COL14A1: variants seen among roughly 807,000 people sequenced by gnomAD.
COL14A1 encodes collagen type XIV alpha 1 chain.
A neutral mutation model predicts 230.3 loss-of-function variants in COL14A1; 136 were observed. That is an observed-to-expected ratio of 0.59 (90% confidence interval 0.51 to 0.68). The LOEUF is 0.68. COL14A1 is among the 30% of genes least tolerant of loss of function. COL14A1 has a pLI of 0.00. For synonymous variants in COL14A1, 792 were observed against 784.1 expected (o/e 1.01, Z -0.17); for missense variants, 1,976 against 2,215.8 (o/e 0.89, Z 2.17).
At chr8:120,216,215 G>T in intron 13 of COL14A1, 136 bp from the exon 14 acceptor site, 1 of 678,716 alleles carries the variant, frequency 1.5e-6, no homozygotes, top group Non-Finnish European at 2.4e-6. Context: ...ACAATACACT[G>T]GTTATTTCAG....
At chr8:120,254,544 T>A (rs1211966197) in intron 22 of COL14A1, among the ~76,000 whole-genome samples, 1 of 152,166 alleles carries the variant, frequency 6.6e-6, no homozygotes, top group East Asian at 1.9e-4. Flanking sequence ...TGTATTTACT[T>A]TTTTATTATA....
intron 36 of COL14A1, among the ~76,000 whole-genome samples, chr8:120,303,310 T>G (rs1290278239): frequency 6.6e-6 from 1 of 152,186 alleles, no homozygotes; most frequent in Non-Finnish European, 1.5e-5. Flanking sequence ...ATCCTTGTCT[T>G]GTGCTGGTTT....
chr8:120,254,717 G>A (rs1046758637), intron 22 of COL14A1, among the ~76,000 whole-genome samples: 2 of 150,928 alleles, frequency 1.3e-5, no homozygotes. Flanking sequence ...AGGTATAGTG[G>A]CTCACACCTG....
chr8:120,151,366 T>C (rs781766469), intron 2 of COL14A1, among the ~76,000 whole-genome samples: 21 of 151,802 alleles, frequency 1.4e-4, no homozygotes, highest in Admixed American at 7.2e-4. Context: ...AAAAAAATAG[T>C]CTGGTGGCTC....
chr8:120,360,401 G>C (rs189761694), intron 45 of COL14A1, among the ~76,000 whole-genome samples: 10 of 152,264 alleles, frequency 6.6e-5, no homozygotes, highest in African/African-American at 2.4e-4. Flanking sequence ...TCATGCCCTG[G>C]CCTAGACTAG....
intron 28 of COL14A1, among the ~76,000 whole-genome samples, 179 bp from the exon 29 acceptor site, chr8:120,279,756 A>G (rs1343915258): frequency 6.6e-6 from 1 of 152,190 alleles, no homozygotes; most frequent in Non-Finnish European, 1.5e-5. Flanking sequence ...TGATGGAATC[A>G]TTATCACATA....
Position 120,270,170 on chromosome 8 carries a change from C to T in COL14A1, c.3209C>T (p.Thr1070Ile), listed in dbSNP as rs758312974. 19 of 1,609,216 alleles carry T rather than the reference C, an allele frequency of 1.2e-5. No individual in the cohort carries two copies. The highest frequency in any genetic ancestry group is 1.5e-5 in the Non-Finnish European group (18 of 1,177,406). The change falls in exon 26 of 48, where the codon ACC (threonine) becomes ATC (isoleucine). Residue 1070 changes from threonine to isoleucine, a missense_variant. By Grantham distance (89) the Thr-to-Ile change is moderately conservative. This residue lies in a region of COL14A1 where 1,791 missense variants were observed against 2,019.5 expected (regional missense o/e 0.89). Coordinates refer to ENST00000297848, the MANE Select transcript of COL14A1 (RefSeq NM_021110.4). ...GALNKIGTDGTQVAMVQFTDD... is the reference protein window; with the variant it reads ...GALNKIGTDGIQVAMVQFTDD... ...CTGAACAAGATTGGCACAGATGGAA[C>T]CCAAGTAAGGCTAATAAATAATTAA...
intron 44 of COL14A1, among the ~76,000 whole-genome samples, chr8:120,343,345 G>A (rs1822380251): frequency 1.3e-5 from 2 of 152,132 alleles, no homozygotes; most frequent in South Asian, 4.1e-4. Context: ...CCCACTTCCA[G>A]GGCTGACATT....
chr8:120,339,370 G>A (rs757156267), intron 42 of COL14A1, among the ~76,000 whole-genome samples: 1 of 152,326 alleles, frequency 6.6e-6, no homozygotes, highest in South Asian at 2.1e-4. Flanking sequence ...GTGAAATTCA[G>A]CCACACTACA....
At position 120,209,901 on chromosome 8, in the gene COL14A1, G is replaced by A. The variant is rs1817570129; in HGVS notation, c.1467G>A (p.Glu489=). 1 of 1,601,460 alleles carries A rather than the reference G, an allele frequency of 6.2e-7. No individual in the cohort carries two copies. Among genetic ancestry groups the A allele is most frequent in the Non-Finnish European group, 8.5e-7 (1 of 1,175,464 alleles). Residue 489 remains glutamate, a splice_region_variant and synonymous_variant, in exon 12 of 48, where the codon GAG becomes GAA. Coordinates refer to ENST00000297848, the MANE Select transcript of COL14A1 (RefSeq NM_021110.4). The part of the protein sequence containing the change: ...LTEGLAGDEK[E]MKIGETHTDI... The stretch of plus-strand genomic sequence containing the variant: ...AGGGCCTGGCTGGGGATGAAAAAGA[G>A]GTAACCACTTCCTACCTATTACAGT...
intron 42 of COL14A1, among the ~76,000 whole-genome samples, chr8:120,334,583 AAAACACACAC>A (rs757721222): frequency 9.2e-6 from 1 of 108,760 alleles, no homozygotes; most frequent in Non-Finnish European, 2.1e-5. Flanking sequence ...TTCACACACA[AAAACACACAC>A]ACACACACAC....
At chr8:120,293,130 A>T (rs1018411637) in intron 34 of COL14A1, among the ~76,000 whole-genome samples, 1 of 152,022 alleles carries the variant, frequency 6.6e-6, no homozygotes, top group Non-Finnish European at 1.5e-5. Context: ...AGCTTCTGGC[A>T]TACAATCATA....
intron 5 of COL14A1, among the ~76,000 whole-genome samples, chr8:120,196,040 T>C (rs1817026497): frequency 6.6e-6 from 1 of 152,286 alleles, no homozygotes; most frequent in African/African-American, 2.4e-5. Flanking sequence ...AGCATTGCTG[T>C]GAGTGGGGCC....
intron 17 of COL14A1, 148 bp from the exon 18 acceptor site, chr8:120,228,562 T>G: frequency 1.7e-6 from 1 of 602,456 alleles, no homozygotes; most frequent in South Asian, 2.3e-5. Context: ...TACTTACAAT[T>G]CATTTCTTTC....
chr8:120,212,319 T>C, intron 12 of COL14A1, 129 bp from the exon 13 acceptor site: 1 of 778,146 alleles, frequency 1.3e-6, no homozygotes, highest in Non-Finnish European at 2.0e-6. Flanking sequence ...GACTGAAGCC[T>C]GTTTGATGAA....
chr8:120,348,198 C>CAT (rs1401831925), intron 45 of COL14A1, among the ~76,000 whole-genome samples: 2 of 147,084 alleles, frequency 1.4e-5, no homozygotes, highest in Admixed American at 1.4e-4. Context: ...ATATATAAAG[C>CAT]ATATATATAT....
At chr8:120,297,747 C>G (rs1251354323) in intron 35 of COL14A1, among the ~76,000 whole-genome samples, 159 bp downstream of exon 35, 1 of 152,008 alleles carries the variant, frequency 6.6e-6, no homozygotes, top group Non-Finnish European at 1.5e-5. Context: ...AACAAGATTT[C>G]TCCTGTATAA....
At chr8:120,219,638 T>C (rs751131761) in intron 14 of COL14A1, among the ~76,000 whole-genome samples, 25 of 152,232 alleles carry the variant, frequency 1.6e-4, no homozygotes, top group Admixed American at 3.3e-4. Flanking sequence ...TACTACTGCA[T>C]TGGGGATCAG....
intron 38 of COL14A1, among the ~76,000 whole-genome samples, chr8:120,314,838 T>G (rs890599582): frequency 6.6e-6 from 1 of 152,222 alleles, no homozygotes; most frequent in Admixed American, 6.5e-5. Context: ...TTTTCCCTTC[T>G]TATATTCCAT....
Sources: allele counts gnomAD v4.1 joint callset (sites outside exome capture counted in the v4.1 genomes callset), GRCh38; gene constraint gnomAD v4.1.1; regional missense constraint gnomAD v4.1.1; transcripts MANE v1.5; gene names NCBI Gene and HGNC (gene_info 2026-07-23, HGNC 2026-07-21).